ADCY1: variants seen among roughly 807,000 people sequenced by gnomAD.
ADCY1 encodes the protein adenylate cyclase 1.
In ADCY1, 28 loss-of-function variants were observed where a neutral mutation model predicts 105.4. That is an observed-to-expected ratio of 0.27 (90% confidence interval 0.20 to 0.36). The LOEUF (loss-of-function observed/expected upper bound fraction) is 0.36, where lower values mean the gene tolerates loss of function less well. Among genes scored for constraint, ADCY1 ranks in the 10% least tolerant of loss-of-function variants. ADCY1 has a pLI of 1.00. For synonymous variants in ADCY1, 655 were observed against 623.8 expected (o/e 1.05, Z -0.75); for missense variants, 977 against 1,434.2 (o/e 0.68, Z 5.15).
At chr7:45,701,817 G>A (rs377331406) in intron 14 of ADCY1, among the ~76,000 whole-genome samples, 18 of 152,328 alleles carry the variant, frequency 1.2e-4, no homozygotes, top group East Asian at 3.9e-4. Flanking sequence ...CAGCCGCTGC[G>A]TGGGCAGAGT....
chr7:45,668,981 C>G (rs547320575), intron 8 of ADCY1, among the ~76,000 whole-genome samples: 2 of 152,226 alleles, frequency 1.3e-5, no homozygotes, highest in South Asian at 4.2e-4. Context: ...GTGATATCCT[C>G]TTTATCATTT....
intron 14 of ADCY1, among the ~76,000 whole-genome samples, chr7:45,692,690 C>T (rs1202630864): frequency 3.9e-5 from 6 of 152,138 alleles, no homozygotes; most frequent in Non-Finnish European, 5.9e-5. Context: ...TCCTCACCGC[C>T]CCCATCCCAG....
At chr7:45,697,405 T>TG (rs1784906754) in intron 14 of ADCY1, among the ~76,000 whole-genome samples, 1 of 151,466 alleles carries the variant, frequency 6.6e-6, no homozygotes, top group African/African-American at 2.4e-5. Context: ...TTTTTTTTTT[T>TG]TTGAGGTGGA....
intron 14 of ADCY1, among the ~76,000 whole-genome samples, chr7:45,700,403 A>G (rs768104803): frequency 3.3e-5 from 5 of 152,194 alleles, no homozygotes; most frequent in Admixed American, 1.3e-4. Flanking sequence ...TCAGCCCCAA[A>G]GTTAGAGACT....
chr7:45,633,467 A>T (rs933006824), intron 4 of ADCY1, among the ~76,000 whole-genome samples: 7 of 152,240 alleles, frequency 4.6e-5, no homozygotes, highest in African/African-American at 1.7e-4. Flanking sequence ...ATAAACGATT[A>T]TACATGTATT....
intron 4 of ADCY1, among the ~76,000 whole-genome samples, chr7:45,644,934 G>T (rs1012708119): frequency 6.6e-6 from 1 of 152,172 alleles, no homozygotes; most frequent in South Asian, 2.1e-4. Context: ...GTGGGAAAGG[G>T]ATGCCATGAG....
chr7:45,674,003 A>G (rs1584322892), intron 8 of ADCY1, among the ~76,000 whole-genome samples: 2 of 24,078 alleles, frequency 8.3e-5, no homozygotes, highest in South Asian at 1.9e-3. Context: ...ATATATATAT[A>G]TATATGTTTT....
rs1394761313 is a variant in ADCY1, at chr7:45,631,815, C to T, written c.1020+9072C>T. On this transcript the variant is annotated intron_variant, in intron 4 of 19. Coordinates refer to ENST00000297323, the MANE Select transcript of ADCY1 (RefSeq NM_021116.4). ...AGCTATCTAAGCCAAGCCTGCATAT[C>T]TCTGCATCTCAGAGTAAGGTTGCAA... Among the ~76,000 whole-genome samples the T allele has an allele frequency of 3.3e-5, 5 of 152,216 alleles. No homozygotes were observed. In the East Asian group the frequency reaches 7.7e-4, roughly 23 times the overall value.
At chr7:45,675,357 C>CTA (rs1784436642) in intron 8 of ADCY1, among the ~76,000 whole-genome samples, 1 of 152,070 alleles carries the variant, frequency 6.6e-6, no homozygotes, top group South Asian at 2.1e-4. Context: ...AATATTTCCT[C>CTA]TATATATATC....
At chr7:45,624,501 A>C (rs1003636347) in intron 4 of ADCY1, among the ~76,000 whole-genome samples, 2 of 152,098 alleles carry the variant, frequency 1.3e-5, no homozygotes, top group Non-Finnish European at 2.9e-5. Context: ...TTTTCCAGTA[A>C]ATAGTGGAAA....
intron 2 of ADCY1, among the ~76,000 whole-genome samples, chr7:45,597,586 T>C (rs1584257956): frequency 6.6e-6 from 1 of 152,318 alleles, no homozygotes; most frequent in African/African-American, 2.4e-5. Context: ...AGCTTTCTCC[T>C]TCCCCTCCTG....
intron 4 of ADCY1, among the ~76,000 whole-genome samples, chr7:45,633,213 C>T (rs1407229578): frequency 1.3e-5 from 2 of 152,322 alleles, no homozygotes; most frequent in South Asian, 2.1e-4. Context: ...TCACAGCACC[C>T]GGCCAATGCT....
chr7:45,629,710 G>A (rs1009427034), intron 4 of ADCY1, among the ~76,000 whole-genome samples: 3 of 151,940 alleles, frequency 2.0e-5, no homozygotes, highest in African/African-American at 7.2e-5. Context: ...TAGTAGAGAC[G>A]GGGTTTCACC....
intron 8 of ADCY1, among the ~76,000 whole-genome samples, chr7:45,663,203 C>A (rs79853373): frequency 6.6e-6 from 1 of 152,222 alleles, no homozygotes; most frequent in African/African-American, 2.4e-5. Flanking sequence ...CTCTGCTACC[C>A]GCACCTCCAG....
intron 17 of ADCY1, among the ~76,000 whole-genome samples, chr7:45,705,147 A>G (rs1286311140): frequency 6.6e-6 from 1 of 152,206 alleles, no homozygotes; most frequent in Non-Finnish European, 1.5e-5. Context: ...CAAATATTTA[A>G]GGAAGAAATT....
intron 5 of ADCY1, 133 bp downstream of exon 5, chr7:45,648,930 G>A: frequency 2.7e-6 from 3 of 1,102,002 alleles, no homozygotes; most frequent in African/African-American, 3.1e-5. Flanking sequence ...TCTGTCTGAG[G>A]CTGCAGAGAA....
chr7:45,707,564 A>T (rs1416610803), intron 17 of ADCY1, among the ~76,000 whole-genome samples: 1 of 152,226 alleles, frequency 6.6e-6, no homozygotes. Context: ...TTTTCAGGGC[A>T]GTGAAACTGT....
intron 14 of ADCY1, among the ~76,000 whole-genome samples, chr7:45,700,285 TCTTA>T (rs749922172): frequency 9.9e-5 from 15 of 152,178 alleles, no homozygotes; most frequent in African/African-American, 1.9e-4. Flanking sequence ...GTGCATCACT[TCTTA>T]CTTGCTTGCT....
At chr7:45,657,696 C>A (rs2461131) in intron 5 of ADCY1, 31 bp from the exon 6 acceptor site, 13 of 1,598,834 alleles carry the variant, frequency 8.1e-6, no homozygotes, top group South Asian at 6.8e-5. Flanking sequence ...CAAGGTGGGC[C>A]CTAGCCCCAC....
Sources: allele counts gnomAD v4.1 joint callset (sites outside exome capture counted in the v4.1 genomes callset), GRCh38; gene constraint gnomAD v4.1.1; transcripts MANE v1.5; gene names NCBI Gene and HGNC (gene_info 2026-07-23, HGNC 2026-07-21).